The following SHISA9 variants were observed in gnomAD, a reference collection of about 807,000 sequenced individuals.
SHISA9 encodes shisa family member 9, also known as protein shisa-9.
SHISA9 carries 13 observed loss-of-function variants against 38.0 expected under a neutral mutation model. That is an observed-to-expected ratio of 0.34 (90% CI 0.22 to 0.54). SHISA9 has a LOEUF of 0.54. SHISA9 is among the 20% of genes least tolerant of loss of function. The pLI, the probability that SHISA9 is intolerant of heterozygous loss-of-function variation, is 0.91. For missense variants in SHISA9, 538 were observed against 575.8 expected (o/e 0.93, Z 0.67); for synonymous variants, 275 against 242.0 (o/e 1.14, Z -1.27).
At chr16:13,213,518 C>A (rs116287171) in intron 4 of SHISA9, among the ~76,000 whole-genome samples, 303 of 152,182 alleles carry the variant, frequency 2.0e-3, no homozygotes, top group African/African-American at 6.9e-3. Flanking sequence ...TGGTAGCCCT[C>A]ACTTCCCAAT....
the SHISA9 span, among the ~76,000 whole-genome samples, chr16:13,298,186 A>G: frequency 3.9e-5 from 6 of 152,166 alleles, no homozygotes; most frequent in Non-Finnish European, 8.8e-5. Context: ...TCCCTTCATT[A>G]TAGAAACTCA....
At chr16:13,212,902 A>T (rs1030661010) in intron 3 of SHISA9, among the ~76,000 whole-genome samples, 1 of 152,126 alleles carries the variant, frequency 6.6e-6, no homozygotes, top group Non-Finnish European at 1.5e-5. Context: ...AGCTCATATA[A>T]CTCAAACTTT....
At chr16:13,115,588 C>A (rs2074024136) in intron 2 of SHISA9, among the ~76,000 whole-genome samples, 2 of 152,338 alleles carry the variant, frequency 1.3e-5, no homozygotes, top group South Asian at 4.1e-4. Flanking sequence ...GGCGTTAGGG[C>A]AATTATGGAC....
At chr16:13,195,582 A>G (rs1162570089) in intron 2 of SHISA9, among the ~76,000 whole-genome samples, 2 of 152,216 alleles carry the variant, frequency 1.3e-5, no homozygotes, top group Non-Finnish European at 2.9e-5. Flanking sequence ...CTTCTTTCCA[A>G]AGAGTAAAAT....
chr16:13,073,957 G>GTTT (rs11442270), intron 2 of SHISA9, among the ~76,000 whole-genome samples: 16 of 103,884 alleles, frequency 1.5e-4, no homozygotes, highest in Non-Finnish European at 2.1e-4. Flanking sequence ...TCTGCTGGTC[G>GTTT]TTTTTTTTTT....
chr16:13,456,642 C>A, the SHISA9 span, among the ~76,000 whole-genome samples: 1 of 152,184 alleles, frequency 6.6e-6, no homozygotes. Flanking sequence ...GGCCACTGGA[C>A]AGTTTAACAG....
the SHISA9 span, among the ~76,000 whole-genome samples, chr16:13,289,932 G>T: frequency 1.3e-5 from 2 of 152,120 alleles, no homozygotes; most frequent in Non-Finnish European, 2.9e-5. Flanking sequence ...CACTAGGTAT[G>T]GTGATTAAAG....
chr16:13,038,888 T>C (rs1449150861), intron 2 of SHISA9, among the ~76,000 whole-genome samples: 1 of 152,220 alleles, frequency 6.6e-6, no homozygotes, highest in Admixed American at 6.5e-5. Context: ...TCTCTGTTTC[T>C]TTATTTAATA....
chr16:12,968,655 G>A lies in SHISA9; in HGVS notation c.691+51840G>A, dbSNP rs907797432. On this transcript the variant is annotated intron_variant, in intron 2 of 4. Coordinates refer to ENST00000558583, the MANE Select transcript of SHISA9 (RefSeq NM_001145204.3). ...TTGAGTGAGAGAAGCCAGGCACAAA[G>A]GTGTACAGACTGTGTGTGGTTCTGT... Among the ~76,000 whole-genome samples the A allele has an allele frequency of 2.0e-5, 3 of 152,310 alleles. No homozygotes were observed. The South Asian group carries it at 6.2e-4, about 32-fold the overall frequency.
At chr16:12,910,666 A>G (rs2071170535) in intron 1 of SHISA9, 5 of 985,370 alleles carry the variant, frequency 5.1e-6, no homozygotes, top group South Asian at 4.7e-5. Context: ...TTGTTTCAAC[A>G]TAATTCTCCT....
intron 2 of SHISA9, among the ~76,000 whole-genome samples, chr16:13,030,096 C>T (rs1268718059): frequency 6.6e-6 from 1 of 152,158 alleles, no homozygotes; most frequent in Non-Finnish European, 1.5e-5. Flanking sequence ...TTTATAATTA[C>T]TGTTTTTAGA....
At chr16:13,328,623 C>T in the SHISA9 span, among the ~76,000 whole-genome samples, 1 of 124,296 alleles carries the variant, frequency 8.0e-6, no homozygotes, top group Non-Finnish European at 1.8e-5. Context: ...CACACACACA[C>T]ACACACACAC....
chr16:12,940,999 G>T (rs981183358), intron 2 of SHISA9, among the ~76,000 whole-genome samples: 4 of 152,140 alleles, frequency 2.6e-5, no homozygotes, highest in Non-Finnish European at 2.9e-5. Flanking sequence ...CTACCAACCT[G>T]GTTTCATCTG....
chr16:13,387,000 T>G, the SHISA9 span, among the ~76,000 whole-genome samples: 1 of 152,250 alleles, frequency 6.6e-6, no homozygotes, highest in Admixed American at 6.5e-5. Context: ...AGATGATATG[T>G]TGAGAGTCAG....
At chr16:13,458,737 G>A in the SHISA9 span, 1 of 210,412 alleles carries the variant, frequency 4.8e-6, no homozygotes, top group African/African-American at 2.4e-5. Context: ...GAACATTTAA[G>A]ACAGAGGCTC....
intron 2 of SHISA9, among the ~76,000 whole-genome samples, chr16:13,174,684 G>A (rs571817551): frequency 6.6e-6 from 1 of 152,294 alleles, no homozygotes; most frequent in Admixed American, 6.5e-5. Context: ...CCTCTCACAT[G>A]GGGTGAGGTG....
the SHISA9 span, among the ~76,000 whole-genome samples, chr16:13,420,375 T>C: frequency 6.8e-6 from 1 of 146,288 alleles, no homozygotes; most frequent in Non-Finnish European, 1.5e-5. Context: ...GATCCTCCCC[T>C]CACAGAAAGC....
the SHISA9 span, among the ~76,000 whole-genome samples, chr16:13,369,736 C>T: frequency 6.6e-6 from 1 of 152,026 alleles, no homozygotes; most frequent in Non-Finnish European, 1.5e-5. Flanking sequence ...CTGTGAGCCT[C>T]ATGTTGGGGG....
chr16:13,045,921 G>A (rs1373054404), intron 2 of SHISA9, among the ~76,000 whole-genome samples: 2 of 152,176 alleles, frequency 1.3e-5, no homozygotes, highest in East Asian at 1.9e-4. Flanking sequence ...ACCTTTTGAC[G>A]AGTCTGCAGA....
Sources: gnomAD v4.1 joint callset for allele counts (sites outside exome capture counted in the v4.1 genomes callset) on GRCh38, gnomAD v4.1.1 for gene constraint, MANE v1.5 for transcripts, NCBI Gene and HGNC (gene_info 2026-07-23, HGNC 2026-07-21) for gene names.